PDE1A: variants seen among roughly 807,000 people sequenced by gnomAD.
PDE1A encodes the protein phosphodiesterase 1A.
Under a neutral mutation model 61.7 loss-of-function variants are expected in PDE1A, and 35 were observed. The ratio of observed to expected loss-of-function variants is 0.57; its 90% CI spans 0.43 to 0.75. The LOEUF (loss-of-function observed/expected upper bound fraction) is 0.75, where lower values mean the gene tolerates loss of function less well. Among genes scored for constraint, PDE1A ranks in the 30% least tolerant of loss-of-function variants. PDE1A has a pLI of 0.00. For synonymous variants in PDE1A, 232 were observed against 213.2 expected, an observed-to-expected ratio of 1.09 and a Z score of -0.77; for missense variants, 597 against 630.6, an observed-to-expected ratio of 0.95 and a Z score of 0.57.
intron 8 of PDE1A, among the ~76,000 whole-genome samples, chr2:182,205,246 A>G (rs576669051): frequency 6.6e-6 from 1 of 152,274 alleles, no homozygotes; most frequent in South Asian, 2.1e-4. Context: ...TTCTATGATT[A>G]ATGAAGTTCA....
the PDE1A span, among the ~76,000 whole-genome samples, chr2:182,712,880 A>C: frequency 1.3e-5 from 2 of 152,216 alleles, no homozygotes; most frequent in Non-Finnish European, 2.9e-5. Flanking sequence ...TAAATAATTC[A>C]ATACTGTAAT....
intron 1 of PDE1A, among the ~76,000 whole-genome samples, chr2:182,305,219 A>G (rs2125927623): frequency 6.6e-6 from 1 of 152,242 alleles, no homozygotes; most frequent in African/African-American, 2.4e-5. Context: ...TCTTTTTTTC[A>G]GAGTCTATTT....
Position 182,161,762 on chromosome 2 carries a change from G to A in PDE1A, c.1517-14610C>T, listed in dbSNP as rs937276697. ...ACCAGCAGAAATCCAAGAAACATGC[G>A]TGGGAATGGATATTAAGGATGTGGG... On this transcript the variant is annotated intron_variant, in intron 13 of 13. Coordinates refer to the PDE1A transcript ENST00000409365. Among the ~76,000 whole-genome samples the A allele has an allele frequency of 7.9e-5, 12 of 152,128 alleles. No individual in the cohort carries two copies. The South Asian group carries it at 8.3e-4, about 10-fold the overall frequency.
intron 2 of PDE1A, among the ~76,000 whole-genome samples, chr2:182,487,425 G>A (rs1467136127): frequency 6.6e-6 from 1 of 152,094 alleles, no homozygotes; most frequent in Non-Finnish European, 1.5e-5. Flanking sequence ...CTACTCAAAG[G>A]AGTTAAAAAC....
At chr2:182,456,471 T>C (rs1412773648) in intron 2 of PDE1A, among the ~76,000 whole-genome samples, 3 of 152,108 alleles carry the variant, frequency 2.0e-5, no homozygotes. Flanking sequence ...ATCAATATAA[T>C]ACCTTAGCTG....
chr2:182,189,525 C>T (rs545601912), intron 10 of PDE1A, among the ~76,000 whole-genome samples: 74 of 152,278 alleles, frequency 4.9e-4, no homozygotes, highest in African/African-American at 1.7e-3. Flanking sequence ...CCTTTCTATC[C>T]ATTAACCAAG....
chr2:182,607,111 G>A, the PDE1A span, among the ~76,000 whole-genome samples: 1 of 152,178 alleles, frequency 6.6e-6, no homozygotes, highest in Non-Finnish European at 1.5e-5. Flanking sequence ...CCAGAAGCAG[G>A]TGGTTAGTTA....
chr2:182,675,447 T>C, the PDE1A span, among the ~76,000 whole-genome samples: 1 of 152,170 alleles, frequency 6.6e-6, no homozygotes, highest in Admixed American at 6.5e-5. Flanking sequence ...GGTAGAATGA[T>C]TTATATTCTT....
chr2:182,643,737 G>A, the PDE1A span, among the ~76,000 whole-genome samples: 1 of 152,048 alleles, frequency 6.6e-6, no homozygotes, highest in African/African-American at 2.4e-5. Context: ...TACTGTTCAG[G>A]GGGACACTAC....
chr2:182,249,142 G>A (rs1308975982), intron 2 of PDE1A, among the ~76,000 whole-genome samples: 3 of 152,196 alleles, frequency 2.0e-5, no homozygotes, highest in Non-Finnish European at 4.4e-5. Context: ...CAGCCCCCAA[G>A]TACAGTCTCC....
intron 1 of PDE1A, among the ~76,000 whole-genome samples, chr2:182,424,133 C>T (rs1703459149): frequency 6.6e-6 from 1 of 151,940 alleles, no homozygotes; most frequent in African/African-American, 2.4e-5. Flanking sequence ...TTAGTAGAGA[C>T]AGGGTTTCAC....
chr2:182,464,801 T>A lies in PDE1A; in HGVS notation c.101+57475A>T, dbSNP rs559343808. Among the ~76,000 whole-genome samples the A allele has an allele frequency of 5.9e-5, 9 of 152,144 alleles. No homozygotes were observed. In the South Asian group the frequency reaches 1.7e-3, roughly 28 times the overall value. Reference sequence around the variant, plus strand: ...AGGGATTCTGGCTAAACCAACCTAATAGGAATCTTGCTCAAGTCAGACCAG... The same window carrying A: ...AGGGATTCTGGCTAAACCAACCTAAAAGGAATCTTGCTCAAGTCAGACCAG... On this transcript the variant is annotated intron_variant, in intron 2 of 14. Coordinates refer to the PDE1A transcript ENST00000410103.
intron 1 of PDE1A, among the ~76,000 whole-genome samples, chr2:182,356,499 C>T (rs778416181): frequency 6.6e-6 from 1 of 152,066 alleles, no homozygotes; most frequent in Non-Finnish European, 1.5e-5. Flanking sequence ...AAGTGGTTCT[C>T]AGCACTTTGG....
chr2:182,482,346 A>C (rs1687753958), intron 2 of PDE1A, among the ~76,000 whole-genome samples: 2 of 151,938 alleles, frequency 1.3e-5, no homozygotes, highest in Admixed American at 6.6e-5. Context: ...TAATTTTTAA[A>C]GTCTAGTTAA....
chr2:182,403,859 G>A (rs1254182511), intron 1 of PDE1A, among the ~76,000 whole-genome samples: 1 of 152,066 alleles, frequency 6.6e-6, no homozygotes, highest in Non-Finnish European at 1.5e-5. Context: ...GCAAGGGATA[G>A]CATTAGGATA....
chr2:182,644,261 C>CTGTGTGTGTGTGTGTG, the PDE1A span, among the ~76,000 whole-genome samples: 7 of 68,356 alleles, frequency 1.0e-4, no homozygotes, highest in Middle Eastern at 6.0e-3. Context: ...AGTCTTAAGA[C>CTGTGTGTGTGTGTGTG]TCTGTGTGTG....
chr2:182,434,276 G>A lies in PDE1A; in HGVS notation c.101+88000C>T, dbSNP rs149693506. On this transcript the variant is annotated intron_variant, in intron 2 of 14. Coordinates refer to the PDE1A transcript ENST00000410103. Reference sequence around the variant, plus strand: ...AAAACATTTTGTAAAACTTACATTCGTGTTTCATATTTGCCATTACACTTC... The same window carrying A: ...AAAACATTTTGTAAAACTTACATTCATGTTTCATATTTGCCATTACACTTC... Among the ~76,000 whole-genome samples, 265 of 152,044 alleles carry A rather than the reference G, an allele frequency of 1.7e-3. 2 individuals carry two copies. The highest frequency in any genetic ancestry group is 2.0e-3 in the African/African-American group (83 of 41,510).
the PDE1A span, among the ~76,000 whole-genome samples, chr2:182,530,447 T>C: frequency 6.6e-6 from 1 of 151,954 alleles, no homozygotes; most frequent in African/African-American, 2.4e-5. Flanking sequence ...TCAAATAGGG[T>C]AAACCCAAAG....
the PDE1A span, among the ~76,000 whole-genome samples, chr2:182,595,077 A>T: frequency 6.6e-6 from 1 of 152,198 alleles, no homozygotes; most frequent in Non-Finnish European, 1.5e-5. Flanking sequence ...TCTTCTAGAA[A>T]AGAAATGGAC....
Sources: gnomAD v4.1 joint callset for allele counts (sites outside exome capture counted in the v4.1 genomes callset) on GRCh38, gnomAD v4.1.1 for gene constraint, MANE v1.5 for transcripts, NCBI Gene and HGNC (gene_info 2026-07-23, HGNC 2026-07-21) for gene names.